Variants in PIGK observed in about 807,000 individuals in gnomAD.
PIGK encodes phosphatidylinositol glycan anchor biosynthesis class K, also known as GPI-anchor transamidase.
Under a neutral mutation model 50.6 loss-of-function variants are expected in PIGK, and 42 were observed. That is an observed-to-expected ratio of 0.83 (90% CI 0.65 to 1.07). The LOEUF (loss-of-function observed/expected upper bound fraction) is 1.07, where lower values mean the gene tolerates loss of function less well. Ranked by LOEUF, PIGK falls within the 50% of genes least tolerant of loss-of-function variation. The probability of loss-of-function intolerance (pLI) is 0.00; values close to 1 mark genes in which losing one functional copy is unlikely to be tolerated. For synonymous variants in PIGK, 151 were observed against 156.0 expected, an observed-to-expected ratio of 0.97 and a Z score of 0.24; for missense variants, 448 against 488.7, an observed-to-expected ratio of 0.92 and a Z score of 0.78.
chr1:77,110,626 C>T (rs1232323734), intron 10 of PIGK, among the ~76,000 whole-genome samples: 2 of 152,178 alleles, frequency 1.3e-5, no homozygotes. Flanking sequence ...GGATTAAAGA[C>T]TTACATGTTA....
intron 9 of PIGK, among the ~76,000 whole-genome samples, chr1:77,136,954 C>A (rs1049055935): frequency 1.3e-5 from 2 of 152,136 alleles, no homozygotes; most frequent in African/African-American, 2.4e-5. Flanking sequence ...TCATTAAAAT[C>A]TTTTACTCTT....
At chr1:77,111,471 G>T (rs1039268049) in intron 10 of PIGK, among the ~76,000 whole-genome samples, 1 of 152,028 alleles carries the variant, frequency 6.6e-6, no homozygotes, top group Non-Finnish European at 1.5e-5. Context: ...CATGGATGAA[G>T]ACGGAAACCA....
chr1:77,156,384 C>A (rs1211964263), intron 8 of PIGK, among the ~76,000 whole-genome samples: 1 of 152,156 alleles, frequency 6.6e-6, no homozygotes, highest in African/African-American at 2.4e-5. Flanking sequence ...TTTATCATAT[C>A]AATCTGATTT....
intron 10 of PIGK, among the ~76,000 whole-genome samples, chr1:77,095,918 G>A (rs1376587060): frequency 2.6e-5 from 4 of 152,006 alleles, no homozygotes; most frequent in Non-Finnish European, 5.9e-5. Flanking sequence ...AATACCAACA[G>A]TGTCCAAATA....
chr1:77,092,588 T>G, intron 10 of PIGK, 98 bp from the exon 11 acceptor site: 1 of 734,378 alleles, frequency 1.4e-6, no homozygotes, highest in South Asian at 1.6e-5. Flanking sequence ...TCACTGGTTG[T>G]GTTTGAATGG....
At chr1:77,115,872 A>C (rs977906560) in intron 10 of PIGK, among the ~76,000 whole-genome samples, 6 of 152,166 alleles carry the variant, frequency 3.9e-5, no homozygotes, top group African/African-American at 1.2e-4. Context: ...GGGGCATTAA[A>C]AATAGAAATC....
chr1:77,172,374 T>G (rs1319930020), intron 3 of PIGK, among the ~76,000 whole-genome samples: 1 of 152,154 alleles, frequency 6.6e-6, no homozygotes, highest in East Asian at 1.9e-4. Context: ...ACTTCCAATT[T>G]CTGTACCTCA....
At chr1:77,139,023 A>T (rs1448457542) in intron 9 of PIGK, among the ~76,000 whole-genome samples, 1 of 151,776 alleles carries the variant, frequency 6.6e-6, no homozygotes, top group Non-Finnish European at 1.5e-5. Flanking sequence ...ATTCCAGCCC[A>T]CTCTCTGATT....
At chr1:77,162,889 C>A (rs1655159569) in intron 6 of PIGK, among the ~76,000 whole-genome samples, 1 of 152,124 alleles carries the variant, frequency 6.6e-6, no homozygotes, top group South Asian at 2.1e-4. Context: ...TAGGACTGAA[C>A]CATTTGGGCA....
rs140179989 is a variant in PIGK, at chr1:77,121,967, A to G, written c.1071+308T>C. 2.6e-3 allele frequency among the ~76,000 whole-genome samples: 391 copies of G among 152,338 alleles called. 2 individuals are homozygous for G. Among genetic ancestry groups the G allele is most frequent in the African/African-American group, 8.3e-3 (347 of 41,582 alleles). The stretch of plus-strand genomic sequence containing the variant: ...CTCTTTTTCCTTGTCACTAAGTACT[A>G]TACACAATGGGTCAAAATGAAAGTT... On this transcript the variant is annotated intron_variant, in intron 10 of 10. Coordinates refer to ENST00000370812, the MANE Select transcript of PIGK (RefSeq NM_005482.3).
intron 3 of PIGK, 34 bp downstream of exon 3, chr1:77,206,606 A>T (rs781351409): frequency 5.5e-6 from 6 of 1,093,412 alleles, no homozygotes; most frequent in Non-Finnish European, 8.4e-6. Context: ...ATTTTCACTG[A>T]AGTTCAAGGT....
chr1:77,143,388 G>A (rs1570218303), intron 9 of PIGK, among the ~76,000 whole-genome samples: 1 of 152,032 alleles, frequency 6.6e-6, no homozygotes, highest in East Asian at 1.9e-4. Context: ...TACATATAGA[G>A]AGAAATTTTT....
At chr1:77,177,733 C>A (rs1187252490) in intron 3 of PIGK, among the ~76,000 whole-genome samples, 2 of 152,102 alleles carry the variant, frequency 1.3e-5, no homozygotes, top group Non-Finnish European at 2.9e-5. Flanking sequence ...GAGCTGGTCT[C>A]GGCACCCTTC....
At chr1:77,134,323 G>A (rs932848311) in intron 9 of PIGK, among the ~76,000 whole-genome samples, 3 of 152,154 alleles carry the variant, frequency 2.0e-5, no homozygotes, top group African/African-American at 7.2e-5. Context: ...AGTAATACAA[G>A]ACTAGTAAAT....
At chr1:77,203,433 G>A (rs1570261932) in intron 3 of PIGK, among the ~76,000 whole-genome samples, 1 of 152,072 alleles carries the variant, frequency 6.6e-6, no homozygotes, top group East Asian at 1.9e-4. Flanking sequence ...ATTTGTGTGG[G>A]TACAAAGTAC....
At chr1:77,168,050 C>A (rs75369876) in intron 4 of PIGK, among the ~76,000 whole-genome samples, 4,014 of 152,002 alleles carry the variant, frequency 0.026, 78 homozygotes, top group Middle Eastern at 0.099. Flanking sequence ...TATATTTCCC[C>A]AAAATTACGT....
At chr1:77,191,916 T>G (rs1655914545) in intron 3 of PIGK, among the ~76,000 whole-genome samples, 1 of 152,236 alleles carries the variant, frequency 6.6e-6, no homozygotes, top group Admixed American at 6.5e-5. Flanking sequence ...CTCCCACTCA[T>G]GCTCAGGCCA....
intron 2 of PIGK, among the ~76,000 whole-genome samples, chr1:77,208,692 G>A (rs1405407269): frequency 6.6e-6 from 1 of 152,108 alleles, no homozygotes; most frequent in Non-Finnish European, 1.5e-5. Flanking sequence ...TTCTTGTGAA[G>A]GGTAGCATAT....
At chr1:77,194,967 G>C (rs913628793) in intron 3 of PIGK, 37 of 619,944 alleles carry the variant, frequency 6.0e-5, no homozygotes, top group South Asian at 3.5e-4. Flanking sequence ...CTTAAGTGTG[G>C]AGCAGAGGAT....
Sources: allele counts gnomAD v4.1 joint callset (sites outside exome capture counted in the v4.1 genomes callset), GRCh38; gene constraint gnomAD v4.1.1; transcripts MANE v1.5; gene names NCBI Gene and HGNC (gene_info 2026-07-23, HGNC 2026-07-21).